The following WDR7 variants were observed in gnomAD, a reference collection of about 807,000 sequenced individuals.
WDR7 encodes WD repeat domain 7, also known as WD repeat-containing protein 7.
Under a neutral mutation model 169.4 loss-of-function variants are expected in WDR7, and 46 were observed. The observed-to-expected ratio is 0.27, with a 90% confidence interval of 0.21 to 0.35. The LOEUF (loss-of-function observed/expected upper bound fraction) is 0.35. WDR7 is among the 10% of genes least tolerant of loss of function. The probability of loss-of-function intolerance (pLI) is 1.00; values close to 1 mark genes in which losing one functional copy is unlikely to be tolerated. For missense variants in WDR7, 1,534 were observed against 1,859.3 expected (o/e 0.83, Z 3.22); for synonymous variants, 612 against 666.8 (o/e 0.92, Z 1.27).
intron 26 of WDR7, among the ~76,000 whole-genome samples, chr18:56,991,152 T>TTC (rs1209041732): frequency 2.0e-5 from 3 of 148,100 alleles, no homozygotes; most frequent in Non-Finnish European, 3.0e-5. Context: ...CATTTTTTTT[T>TTC]TTTTTTTTTT....
intron 19 of WDR7, among the ~76,000 whole-genome samples, chr18:56,801,276 T>G (rs779394458): frequency 1.3e-5 from 2 of 152,212 alleles, no homozygotes; most frequent in Non-Finnish European, 2.9e-5. Flanking sequence ...TAGTATTGTG[T>G]ATAGTTATTT....
intron 16 of WDR7, among the ~76,000 whole-genome samples, chr18:56,772,755 A>G (rs2044184313): frequency 6.6e-6 from 1 of 151,422 alleles, no homozygotes; most frequent in Admixed American, 6.6e-5. Flanking sequence ...ATATATTTAT[A>G]TTGGGAGTAA....
At chr18:56,718,342 C>T (rs2026240535) in intron 13 of WDR7, among the ~76,000 whole-genome samples, 183 bp downstream of exon 13, 1 of 152,074 alleles carries the variant, frequency 6.6e-6, no homozygotes, top group African/African-American at 2.4e-5. Context: ...TAGAATATTT[C>T]ACGAATCTTT....
rs1389520851 is a variant in WDR7, at chr18:56,829,479, CA to C, written c.3304+13337del. 5.3e-5 allele frequency among the ~76,000 whole-genome samples: 8 copies of C among 152,254 alleles called. No homozygotes were observed. The South Asian group carries it at 1.2e-3, about 24-fold the overall frequency. On this transcript the variant is annotated intron_variant, in intron 20 of 27. Transcript: ENST00000254442. The stretch of plus-strand genomic sequence containing the variant: ...GTTTCCTTATGTTCTGGATATTTGG[CA>C]AGTTCTAACTGTTCCATTTTCCAGG...
intron 14 of WDR7, among the ~76,000 whole-genome samples, chr18:56,745,314 G>A (rs943763905): frequency 1.3e-5 from 2 of 152,116 alleles, no homozygotes; most frequent in Non-Finnish European, 2.9e-5. Context: ...TTCATATGCA[G>A]TAAAATATTT....
chr18:56,871,762 C>T (rs1359045330), intron 20 of WDR7, among the ~76,000 whole-genome samples: 1 of 151,942 alleles, frequency 6.6e-6, no homozygotes, highest in African/African-American at 2.4e-5. Flanking sequence ...GTTATGTTAA[C>T]ACAAATCTTA....
Position 56,684,856 on chromosome 18 carries a change from C to T in WDR7, c.521-1100C>T, listed in dbSNP as rs1373520531. 5.3e-5 allele frequency among the ~76,000 whole-genome samples: 8 copies of T among 152,294 alleles called. No individual in the cohort carries two copies. In the East Asian group the frequency reaches 1.5e-3, roughly 29 times the overall value. On this transcript the variant is annotated intron_variant, in intron 5 of 27. Coordinates refer to ENST00000254442, the MANE Select transcript of WDR7 (RefSeq NM_015285.3). ...GTTTTTTATGCATATTAGAGAATTACTGCTTTATTCCTAAGCATAACAGTG... is the reference window on the plus strand; with the variant it reads ...GTTTTTTATGCATATTAGAGAATTATTGCTTTATTCCTAAGCATAACAGTG...
intron 26 of WDR7, among the ~76,000 whole-genome samples, chr18:56,979,279 C>G (rs753413657): frequency 6.6e-6 from 1 of 152,120 alleles, no homozygotes; most frequent in Non-Finnish European, 1.5e-5. Context: ...ATAAATTTCT[C>G]TCACTGTCCT....
At chr18:56,672,316 G>A (rs2025152950) in intron 1 of WDR7, among the ~76,000 whole-genome samples, 181 bp from the exon 2 acceptor site, 1 of 152,086 alleles carries the variant, frequency 6.6e-6, no homozygotes, top group African/African-American at 2.4e-5. Context: ...GTAAGCACCT[G>A]AATCTAGAGT....
rs773431718 is a variant in WDR7 at position 56,938,603 on chromosome 18, G to A, written c.3902G>A (p.Arg1301Gln). Residue 1301 changes from arginine (R) to glutamine (Q), a missense_variant, in exon 24 of 28, where the codon CGA becomes CAA. By Grantham distance (43) the Arg-to-Gln change is conservative. Coordinates refer to ENST00000254442, the MANE Select transcript of WDR7 (RefSeq NM_015285.3). The stretch of plus-strand genomic sequence containing the variant: ...AATATGCACACAACAACTCTTGCAC[G>A]AGCTAAAGGGGAAATTTTGAGAGTC... ...QQNMHTTTLA[R>Q]AKGEILRVIE... The A allele has an allele frequency of 9.9e-6, 16 of 1,613,264 alleles. No homozygotes were observed. The highest frequency in any genetic ancestry group is 1.4e-5 in the Non-Finnish European group (16 of 1,179,856).
chr18:56,977,920 C>T (rs982063148), intron 26 of WDR7, among the ~76,000 whole-genome samples: 10 of 152,082 alleles, frequency 6.6e-5, no homozygotes, highest in East Asian at 3.9e-4. Context: ...TATGTAAATG[C>T]GTTGTCAGAG....
chr18:56,779,517 C>T lies in WDR7; in HGVS notation c.3034C>T (p.Leu1012=). 1 of 1,613,930 alleles carries T rather than the reference C, an allele frequency of 6.2e-7. No individual in the cohort carries two copies. Among genetic ancestry groups the T allele is most frequent in the Non-Finnish European group, 8.5e-7 (1 of 1,179,880 alleles). Residue 1012 remains leucine, a synonymous_variant, in exon 18 of 28, where the codon CTG becomes TTG. Coordinates refer to ENST00000254442, the MANE Select transcript of WDR7 (RefSeq NM_015285.3). The part of the protein sequence containing the change: ...DKFRPPLLEM[L]ARRWQDRCLE... Reference sequence around the variant, plus strand: ...ATTTAGGCCTCCCCTTCTGGAGATGCTGGCCCGAAGATGGCAAGATCGATG... The same window carrying T: ...ATTTAGGCCTCCCCTTCTGGAGATGTTGGCCCGAAGATGGCAAGATCGATG...
intron 21 of WDR7, among the ~76,000 whole-genome samples, chr18:56,917,234 T>TA (rs1234351391): frequency 6.6e-6 from 1 of 152,070 alleles, no homozygotes; most frequent in Non-Finnish European, 1.5e-5. Context: ...GTCTGTTGTG[T>TA]ATGTGCTGTG....
chr18:56,983,341 A>G (rs1241995683), intron 26 of WDR7, among the ~76,000 whole-genome samples: 2 of 152,082 alleles, frequency 1.3e-5, no homozygotes, highest in East Asian at 3.9e-4. Context: ...CACCTTTCCT[A>G]TTTTCAAGGC....
intron 14 of WDR7, among the ~76,000 whole-genome samples, chr18:56,737,451 G>T (rs1290629795): frequency 5.3e-5 from 8 of 152,108 alleles, no homozygotes; most frequent in Non-Finnish European, 8.8e-5. Context: ...CTTGAGCATT[G>T]TTGTGCCAAT....
intron 21 of WDR7, among the ~76,000 whole-genome samples, chr18:56,914,997 T>C (rs951863471): frequency 2.6e-5 from 4 of 152,240 alleles, no homozygotes; most frequent in Non-Finnish European, 4.4e-5. Flanking sequence ...CTAACTACTT[T>C]GAAGACTGTT....
intron 14 of WDR7, among the ~76,000 whole-genome samples, chr18:56,739,006 C>G (rs1164407888): frequency 7.0e-6 from 1 of 143,190 alleles, no homozygotes; most frequent in Non-Finnish European, 1.6e-5. Context: ...GTTTCCTAGA[C>G]TGCTGGATTT....
chr18:57,022,516 T>C (rs377156411), intron 27 of WDR7, among the ~76,000 whole-genome samples: 1 of 152,242 alleles, frequency 6.6e-6, no homozygotes, highest in Non-Finnish European at 1.5e-5. Context: ...TTTCCAACTT[T>C]CTTTCTGCTA....
chr18:56,944,954 G>C (rs1325988406), intron 25 of WDR7, among the ~76,000 whole-genome samples: 2 of 152,118 alleles, frequency 1.3e-5, no homozygotes, highest in Non-Finnish European at 2.9e-5. Context: ...GACTAATAAA[G>C]TTCTAACTCC....
Sources: allele counts gnomAD v4.1 joint callset (sites outside exome capture counted in the v4.1 genomes callset), GRCh38; gene constraint gnomAD v4.1.1; transcripts MANE v1.5; gene names NCBI Gene and HGNC (gene_info 2026-07-23, HGNC 2026-07-21).